C8orf76: variants seen among roughly 807,000 people sequenced by gnomAD.
C8orf76 encodes chromosome 8 open reading frame 76, also known as uncharacterized protein C8orf76.
A neutral mutation model predicts 38.1 loss-of-function variants in C8orf76; 46 were observed. The ratio of observed to expected loss-of-function variants is 1.21; its 90% confidence interval spans 0.95 to 1.54. The LOEUF (loss-of-function observed/expected upper bound fraction) is 1.54. Among genes scored for constraint, C8orf76 ranks in the 40% most tolerant of loss-of-function variants. The pLI is 0.00. For synonymous variants in C8orf76, 166 were observed against 167.5 expected, an observed-to-expected ratio of 0.99 and a Z score of 0.07; for missense variants, 461 against 441.6, an observed-to-expected ratio of 1.04 and a Z score of -0.39.
chr8:123,237,749 G>A (rs1320994055), intron 3 of C8orf76, 49 bp downstream of exon 3: 40 of 1,543,728 alleles, frequency 2.6e-5, no homozygotes, highest in Non-Finnish European at 3.1e-5. Context: ...TACACCATTC[G>A]ACCACCCTTA....
intron 2 of C8orf76, among the ~76,000 whole-genome samples, chr8:123,238,280 T>C (rs1825567576): frequency 6.6e-6 from 1 of 152,160 alleles, no homozygotes; most frequent in South Asian, 2.1e-4. Context: ...TAAAAGGCAG[T>C]TCCCCTGCAC....
In C8orf76 at chr8:123,226,509, C is replaced by T; in HGVS notation, c.939G>A (p.Leu313=). The change falls in exon 5 of 6, where the codon TTG becomes TTA. Residue 313 remains leucine (L), a synonymous_variant. Coordinates refer to ENST00000276704, the MANE Select transcript of C8orf76 (RefSeq NM_032847.3). ...CGAGGGATACACTCACCTCAGCTATCAACAGCAAAGTGTCTTCTTTGAAGC... is the reference window on the plus strand; with the variant it reads ...CGAGGGATACACTCACCTCAGCTATTAACAGCAAAGTGTCTTCTTTGAAGC... The part of the protein sequence containing the change: ...GFSFKEDTLL[L]IAEVMGEDIP... The T allele has an allele frequency of 6.2e-7, 1 of 1,612,840 alleles. No homozygotes were observed. Among genetic ancestry groups the T allele is most frequent in the Non-Finnish European group, 8.5e-7 (1 of 1,179,730 alleles).
chr8:123,222,967 T>C (rs1309788664), intron 5 of C8orf76, among the ~76,000 whole-genome samples: 1 of 152,232 alleles, frequency 6.6e-6, no homozygotes, highest in East Asian at 1.9e-4. Context: ...AAAATGCTCA[T>C]ATATTTAAAT....
At position 123,235,774 on chromosome 8, in the gene C8orf76, A is replaced by C. The variant is rs538062373; in HGVS notation, c.357+2024T>G. ...GATTCCCTAAGCTAGAAGGAACCAG[A>C]GATGACCCAACCCCTGCCAGGAATC... is the stretch of plus-strand genomic sequence containing the variant. On this transcript the variant is annotated intron_variant, in intron 3 of 5. Transcript: ENST00000276704. Among the ~76,000 whole-genome samples the C allele has an allele frequency of 5.9e-5, 9 of 152,294 alleles. No individual in the cohort carries two copies. In the South Asian group the frequency reaches 1.9e-3, roughly 32 times the overall value.
Position 123,226,696 on chromosome 8 carries a change from C to T in C8orf76, c.816-64G>A, listed in dbSNP as rs189490169. 1.0e-4 allele frequency: 157 copies of T among 1,518,186 alleles called. 1 individual carries two copies. The East Asian group carries it at 3.4e-3, about 33-fold the overall frequency. 94.0% of individuals were successfully genotyped at this position (1,518,186 alleles called of 1,614,324 possible). ...CCAACGCTTCCAGATAAAGGAAAGC[C>T]GCGAGGAAATGTTCAGAAAGCCCAG... On this transcript the variant is annotated intron_variant, in intron 4 of 5. Coordinates refer to ENST00000276704, the MANE Select transcript of C8orf76 (RefSeq NM_032847.3).
chr8:123,227,172 G>A (rs1423157286), intron 4 of C8orf76, among the ~76,000 whole-genome samples: 1 of 151,530 alleles, frequency 6.6e-6, no homozygotes, highest in Non-Finnish European at 1.5e-5. Flanking sequence ...ACCACTCTGC[G>A]ATACCTTACC....
chr8:123,241,360 CG>C lies in C8orf76; in HGVS notation c.-15del, dbSNP rs889536526. 6 of 1,544,732 alleles carry C rather than the reference CG, an allele frequency of 3.9e-6. No individual in the cohort carries two copies. Among genetic ancestry groups the C allele is most frequent in the Non-Finnish European group, 5.2e-6 (6 of 1,154,978 alleles). On this transcript the variant is annotated 5_prime_UTR_variant, in exon 1 of 6. Coordinates refer to ENST00000276704, the MANE Select transcript of C8orf76 (RefSeq NM_032847.3). ...CCCGGAATCCATCTCGCGCCCGCGG[CG>C]GGGGCAACGAGGAAGCGGGGCCCGC...
At chr8:123,234,381 T>A (rs906605230) in intron 3 of C8orf76, among the ~76,000 whole-genome samples, 1 of 152,150 alleles carries the variant, frequency 6.6e-6, no homozygotes, top group African/African-American at 2.4e-5. Flanking sequence ...ACCCCTGTAA[T>A]CTCAGCACTT....
chr8:123,223,974 G>A (rs1264348095), intron 5 of C8orf76, among the ~76,000 whole-genome samples: 2 of 152,056 alleles, frequency 1.3e-5, no homozygotes, highest in Non-Finnish European at 2.9e-5. Flanking sequence ...GGGAGTTATT[G>A]CTTAATGGGT....
intron 4 of C8orf76, among the ~76,000 whole-genome samples, chr8:123,228,189 A>G (rs992786741): frequency 2.6e-5 from 4 of 152,144 alleles, no homozygotes; most frequent in Non-Finnish European, 4.4e-5. Flanking sequence ...TCTATCGTGC[A>G]GTGACATCCA....
intron 4 of C8orf76, 105 bp downstream of exon 4, chr8:123,231,195 A>G: frequency 7.2e-7 from 1 of 1,382,698 alleles, no homozygotes; most frequent in Non-Finnish European, 9.6e-7. Context: ...TTTCAAAAAT[A>G]TATACCAAAT....
intron 5 of C8orf76, among the ~76,000 whole-genome samples, chr8:123,221,398 CG>C (rs1824892022): frequency 6.6e-6 from 1 of 152,178 alleles, no homozygotes; most frequent in African/African-American, 2.4e-5. Flanking sequence ...AGTTAGAGAA[CG>C]GCCAGGGCAA....
intron 3 of C8orf76, among the ~76,000 whole-genome samples, chr8:123,232,763 A>AT (rs1295665755): frequency 2.6e-5 from 4 of 152,164 alleles, no homozygotes; most frequent in Non-Finnish European, 5.9e-5. Context: ...GACAGAACAC[A>AT]TCTCGTTTTA....
chr8:123,224,742 T>A (rs1824983845), intron 5 of C8orf76, among the ~76,000 whole-genome samples: 1 of 152,252 alleles, frequency 6.6e-6, no homozygotes, highest in South Asian at 2.1e-4. Flanking sequence ...AGGAAACTAC[T>A]CTTCCACCCA....
In C8orf76 at chr8:123,239,058, T is replaced by C. The variant is rs1346741377; in HGVS notation, c.204A>G (p.Gln68=). The part of the protein sequence containing the change: ...KFKGDLAYRR[Q]EYQKALQEYS... ...ATATGTTGAATTCTACCTGATACTC[T>C]TGTCGTCTGTAGGCCAGGTCTCCTT... Residue 68 remains glutamine (Q), a synonymous_variant, in exon 2 of 6, where the codon CAA becomes CAG. Transcript: ENST00000276704. The C allele has an allele frequency of 1.2e-6, 2 of 1,613,986 alleles. No individual in the cohort carries two copies. Among genetic ancestry groups the C allele is most frequent in the Non-Finnish European group, 1.7e-6 (2 of 1,179,992 alleles).
At chr8:123,229,824 C>T (rs1194891536) in intron 4 of C8orf76, among the ~76,000 whole-genome samples, 1 of 152,142 alleles carries the variant, frequency 6.6e-6, no homozygotes, top group African/African-American at 2.4e-5. Context: ...CGAGACCAGC[C>T]TGGCCAACAT....
intron 4 of C8orf76, among the ~76,000 whole-genome samples, chr8:123,230,523 T>A (rs538666432): frequency 1.4e-4 from 21 of 152,370 alleles, no homozygotes; most frequent in African/African-American, 5.0e-4. Context: ...TTTCATTCTG[T>A]TGCCTAGGCT....
chr8:123,231,365 T>G lies in C8orf76; in HGVS notation c.750A>C (p.Ala250=). The stretch of plus-strand genomic sequence containing the variant: ...CTATCAACACTGTTTCTCTCTTTTC[T>G]GCCATACAGTTTTGGATATTTGTCA... ...KALTNIQNCM[A]EKRETVLIET... is the part of the protein sequence containing the mutation. Residue 250 remains alanine, a synonymous_variant, in exon 4 of 6, where the codon GCA becomes GCC. Transcript: ENST00000276704. 6.2e-7 allele frequency: 1 copy of G among 1,614,156 alleles called. No individual in the cohort carries two copies.
chr8:123,239,042 A>C lies in C8orf76; in HGVS notation c.213+7T>G. ...GCCCACTTCAAGCACCATATGTTGAATTCTACCTGATACTCTTGTCGTCTG... is the reference window on the plus strand; with the variant it reads ...GCCCACTTCAAGCACCATATGTTGACTTCTACCTGATACTCTTGTCGTCTG... On this transcript the variant is annotated splice_region_variant and intron_variant, in intron 2 of 5. Transcript: ENST00000276704. 2 of 1,614,012 alleles carry C rather than the reference A, an allele frequency of 1.2e-6. No homozygotes were observed. Among genetic ancestry groups the C allele is most frequent in the Non-Finnish European group, 8.5e-7 (1 of 1,179,912 alleles).
Sources: allele counts gnomAD v4.1 joint callset (sites outside exome capture counted in the v4.1 genomes callset), GRCh38; gene constraint gnomAD v4.1.1; transcripts MANE v1.5; gene names NCBI Gene and HGNC (gene_info 2026-07-23, HGNC 2026-07-21).